Variants in DLL1 observed in about 807,000 individuals in gnomAD.
The protein encoded by DLL1 is delta-like protein 1.
In DLL1, 9 loss-of-function variants were observed where a neutral mutation model predicts 75.1. The ratio of observed to expected loss-of-function variants is 0.12; its 90% CI spans 0.07 to 0.21. DLL1 has a LOEUF of 0.21. Ranked by LOEUF, DLL1 falls within the 10% of genes least tolerant of loss-of-function variation. DLL1 has a pLI of 1.00. For synonymous variants in DLL1, 477 were observed against 418.3 expected (o/e 1.14, Z -1.71); for missense variants, 837 against 1,007.6 (o/e 0.83, Z 2.29).
chr6:170,289,705 G>A lies in DLL1; in HGVS notation c.158C>T (p.Pro53Leu). 1 of 1,548,382 alleles carries A rather than the reference G, an allele frequency of 6.5e-7. No individual in the cohort carries two copies. Among genetic ancestry groups the A allele is most frequent in the South Asian group, 1.2e-5 (1 of 84,008 alleles). Residue 53 changes from proline (P) to leucine (L), a missense_variant, in exon 2 of 11, where the codon CCG becomes CTG. By Grantham distance (98) the Pro-to-Leu change is moderately conservative. Transcript: ENST00000366756. ...NCCRGGAGPP[P>L]CACRTFFRVC... ...GCGGAAGAAGGTCCGGCAGGCGCAC[G>A]GCGGTGGCCCCGCGCCCCCGCGGCA...
rs575791936 is a variant in DLL1, at chr6:170,289,711, G to A, written c.152C>T (p.Pro51Leu). 80 of 1,548,974 alleles carry A rather than the reference G, an allele frequency of 5.2e-5. 1 individual carries two copies. The East Asian group carries it at 1.6e-3, about 32-fold the overall frequency. Reference protein sequence around the residue: ...NRNCCRGGAGPPPCACRTFFR... With the variant: ...NRNCCRGGAGLPPCACRTFFR... ...GAAGGTCCGGCAGGCGCACGGCGGT[G>A]GCCCCGCGCCCCCGCGGCAGCAGTT... The change falls in exon 2 of 11, where the codon CCA becomes CTA. Residue 51 changes from proline (P) to leucine (L), a missense_variant. Coordinates refer to ENST00000366756, the MANE Select transcript of DLL1 (RefSeq NM_005618.4).
Position 170,283,418 on chromosome 6 carries a change from A to T in DLL1, c.1861T>A (p.Phe621Ile). The T allele has an allele frequency of 6.2e-7, 1 of 1,611,318 alleles. No individual in the cohort carries two copies. The highest frequency in any genetic ancestry group is 1.1e-5 in the South Asian group (1 of 91,088). Residue 621 changes from phenylalanine (F) to isoleucine (I), a missense_variant, in exon 9 of 11, where the codon TTC becomes ATC. By Grantham distance (21) the Phe-to-Ile change is conservative (BLOSUM62 0). This residue lies in a region of DLL1 where 533 missense variants were observed against 545.7 expected (regional missense o/e 0.98). Transcript: ENST00000366756. ...TTGTCGGCGCTGTGGTCCCCGTGGAAGTCCGCCTTCTTGTTGGTGTTCTTG... is the reference window on the plus strand; with the variant it reads ...TTGTCGGCGCTGTGGTCCCCGTGGATGTCCGCCTTCTTGTTGGTGTTCTTG... Reference protein sequence around the residue: ...QIKNTNKKADFHGDHSADKNG... With the variant: ...QIKNTNKKADIHGDHSADKNG...
At position 170,289,812 on chromosome 6, in the gene DLL1, C is replaced by G; in HGVS notation, c.55-4G>C. 6.4e-7 allele frequency: 1 copy of G among 1,555,128 alleles called. No individual in the cohort carries two copies. Among genetic ancestry groups the G allele is most frequent in the Non-Finnish European group, 8.7e-7 (1 of 1,149,284 alleles). On this transcript the variant is annotated splice_polypyrimidine_tract_variant and splice_region_variant and intron_variant, in intron 1 of 10. Transcript: ENST00000366756. ...CGAACACCCCAGAGCTCCAGACCTG[C>G]ACGGGGGAGGGCGGGGGCGTGAGGA...
At chr6:170,287,424 G>C (rs1004805949) in intron 4 of DLL1, among the ~76,000 whole-genome samples, 16 of 152,330 alleles carry the variant, frequency 1.1e-4, no homozygotes, top group Admixed American at 6.5e-4. Context: ...CAATGGGCTG[G>C]GACGGCCAGG....
intron 1 of DLL1, 41 bp from the exon 2 acceptor site, chr6:170,289,849 C>T: frequency 1.3e-6 from 2 of 1,541,860 alleles, no homozygotes; most frequent in Middle Eastern, 1.7e-4. Flanking sequence ...GCGGGTCCCG[C>T]CCGAGCTAGG....
intron 2 of DLL1, among the ~76,000 whole-genome samples, chr6:170,289,026 G>A (rs1346390904): frequency 3.3e-5 from 5 of 152,154 alleles, no homozygotes; most frequent in Non-Finnish European, 7.3e-5. Flanking sequence ...TGTACTACAG[G>A]ATATTACGTT....
Position 170,284,909 on chromosome 6 carries a change from GC to G in DLL1, c.1249+9del, listed in dbSNP as rs1375758109. ...CCGAGTCTCTGAGCAATCACCAGCTGCCCCCTTACCATTAGAACAGGGTGAA... is the reference window on the plus strand; with the variant it reads ...CCGAGTCTCTGAGCAATCACCAGCTGCCCCTTACCATTAGAACAGGGTGAA... On this transcript the variant is annotated intron_variant, in intron 8 of 10. Coordinates refer to ENST00000366756, the MANE Select transcript of DLL1 (RefSeq NM_005618.4). The G allele has an allele frequency of 6.2e-7, 1 of 1,613,042 alleles. No individual in the cohort carries two copies. Among genetic ancestry groups the G allele is most frequent in the African/African-American group, 1.3e-5 (1 of 74,902 alleles).
chr6:170,289,355 G>A, intron 2 of DLL1, 157 bp downstream of exon 2: 1 of 1,224,886 alleles, frequency 8.2e-7, no homozygotes, highest in Non-Finnish European at 1.1e-6. Context: ...CTGCTGGGCT[G>A]GAGTCCTGGG....
chr6:170,282,935 G>C, intron 10 of DLL1, 53 bp downstream of exon 10: 2 of 1,614,240 alleles, frequency 1.2e-6, no homozygotes, highest in South Asian at 2.2e-5. Context: ...CCGTGCTCCA[G>C]CTTCAGGTGC....
rs760008381 is a variant in DLL1, at chr6:170,285,585, G to GC, written c.845dup (p.Leu283ProfsTer14). The GC allele has an allele frequency of 8.1e-6, 13 of 1,613,984 alleles. No individual in the cohort carries two copies. On this transcript the variant is annotated frameshift_variant, in exon 6 of 11. Transcript: ENST00000366756. LOFTEE classifies it high-confidence loss of function. Reference sequence around the variant, plus strand: ...AAGGCTTACCCTGGTTGCAGAAAAGGCCCCCCCAGCCTTCCTGGCAGTTGC... The same window carrying GC: ...AAGGCTTACCCTGGTTGCAGAAAAGGCCCCCCCCAGCCTTCCTGGCAGTTGC...
At chr6:170,288,085 G>T in intron 4 of DLL1, 154 bp downstream of exon 4, 1 of 1,160,472 alleles carries the variant, frequency 8.6e-7, no homozygotes, top group Non-Finnish European at 1.2e-6. Context: ...GACGAGCTGT[G>T]ACTTATAGCA....
Position 170,283,515 on chromosome 6 carries a change from C to G in DLL1, c.1764G>C (p.Glu588Asp), listed in dbSNP as rs752345957. 10 of 1,613,754 alleles carry G rather than the reference C, an allele frequency of 6.2e-6. No individual in the cohort carries two copies. Among genetic ancestry groups the G allele is most frequent in the African/African-American group, 1.3e-5 (1 of 75,052 alleles). Residue 588 changes from glutamate to aspartate, a missense_variant, in exon 9 of 11, where the codon GAG becomes GAC. Glu to Asp is a conservative substitution (Grantham distance 45, BLOSUM62 2). This residue lies in a region of DLL1 where 533 missense variants were observed against 545.7 expected (regional missense o/e 0.98). Coordinates refer to ENST00000366756, the MANE Select transcript of DLL1 (RefSeq NM_005618.4). The part of the protein sequence containing the change: ...PPADPCRGET[E>D]TMNNLANCQR... The stretch of plus-strand genomic sequence containing the variant: ...GGCAGTTGGCCAGGTTGTTCATGGT[C>G]TCCGTCTCCCCCCGGCAGGGGTCGG...
In DLL1 at chr6:170,288,266, C is replaced by T. The variant is rs2114963923; in HGVS notation, c.643G>A (p.Gly215Ser). 1 of 1,614,036 alleles carries T rather than the reference C, an allele frequency of 6.2e-7. No individual in the cohort carries two copies. Among genetic ancestry groups the T allele is most frequent in the East Asian group, 2.2e-5 (1 of 44,860 alleles). Reference protein sequence around the residue: ...GERGEKVCNPGWKGPYCTEPI... With the variant: ...GERGEKVCNPSWKGPYCTEPI... ...TCTGTGCAGTAGGGCCCTTTCCAGC[C>T]AGGGTTGCACACTTTCTCCCCACGC... The change falls in exon 4 of 11, where the codon GGC (glycine) becomes AGC (serine). Residue 215 changes from glycine to serine, a missense_variant. Transcript: ENST00000366756.
chr6:170,289,871 C>G (rs959294405), intron 1 of DLL1, 63 bp from the exon 2 acceptor site: 4 of 1,507,452 alleles, frequency 2.7e-6, no homozygotes, highest in Admixed American at 4.1e-5. Flanking sequence ...GGCGTGAGGC[C>G]TGGGTGGGGG....
intron 4 of DLL1, among the ~76,000 whole-genome samples, chr6:170,287,389 C>T (rs563095267): frequency 6.6e-6 from 1 of 152,206 alleles, no homozygotes; most frequent in African/African-American, 2.4e-5. Context: ...CCTACCCAAT[C>T]CCCAGCTGTA....
chr6:170,289,835 G>T, intron 1 of DLL1, 27 bp from the exon 2 acceptor site: 1 of 1,548,302 alleles, frequency 6.5e-7, no homozygotes. Context: ...GGGGGCGTGA[G>T]GACGCGGGTC....
chr6:170,290,030 G>T lies in DLL1; in HGVS notation c.54+56C>A. The T allele has an allele frequency of 1.3e-6, 2 of 1,520,602 alleles. No individual in the cohort carries two copies. Among genetic ancestry groups the T allele is most frequent in the South Asian group, 2.4e-5 (2 of 83,008 alleles). 94.2% of individuals were successfully genotyped at this position (1,520,602 alleles called of 1,614,324 possible). On this transcript the variant is annotated intron_variant, in intron 1 of 10. Transcript: ENST00000366756. This position sits in a 1 kb window ranked among gnomAD's most constrained non-coding sequence, Gnocchi z 4.7. Reference sequence around the variant, plus strand: ...CCCTCCCCGCGCGCTCCTGCCCCGCGCCCCGGCTACCCGTGAGACCCCGCG... The same window carrying T: ...CCCTCCCCGCGCGCTCCTGCCCCGCTCCCCGGCTACCCGTGAGACCCCGCG...
Position 170,283,650 on chromosome 6 carries a change from G to A in DLL1, c.1629C>T (p.Phe543=), listed in dbSNP as rs375849681. The A allele has an allele frequency of 8.1e-6, 13 of 1,598,474 alleles. No homozygotes were observed. The highest frequency in any genetic ancestry group is 1.0e-5 in the Non-Finnish European group (12 of 1,172,040). Residue 543 remains phenylalanine (F), a synonymous_variant, in exon 9 of 11, where the codon TTC becomes TTT. Coordinates refer to ENST00000366756, the MANE Select transcript of DLL1 (RefSeq NM_005618.4). ...TEKLEGQGGP[F]PWVAVCAGVI... is the part of the protein sequence containing the mutation. ...CCCCGGCGCACACGGCCACCCAGGGGAATGGCCCGCCCTGGCCCTCTAGCT... is the reference window on the plus strand; with the variant it reads ...CCCCGGCGCACACGGCCACCCAGGGAAATGGCCCGCCCTGGCCCTCTAGCT...
chr6:170,288,615 T>C (rs1783761385), intron 3 of DLL1, 114 bp downstream of exon 3: 4 of 1,609,360 alleles, frequency 2.5e-6, no homozygotes, highest in African/African-American at 2.7e-5. Flanking sequence ...CACCCTGAAC[T>C]TTCTGGGGCA....
Sources: gnomAD v4.1 joint callset for allele counts (sites outside exome capture counted in the v4.1 genomes callset) on GRCh38, gnomAD v4.1.1 for gene constraint, gnomAD v4.1.1 regional missense constraint, Gnocchi (gnomAD v3.1) non-coding constraint, MANE v1.5 for transcripts, NCBI Gene and HGNC (gene_info 2026-07-23, HGNC 2026-07-21) for gene names.